CREB5: variants seen among roughly 807,000 people sequenced by gnomAD.
The protein encoded by CREB5 is cyclic AMP-responsive element-binding protein 5.
CREB5 carries 19 observed loss-of-function variants against 57.1 expected under a neutral mutation model. The observed-to-expected ratio is 0.33, with a 90% CI of 0.23 to 0.49. CREB5 has a LOEUF of 0.49. CREB5 is among the 20% of genes least tolerant of loss of function. CREB5 has a pLI of 0.99. For missense variants in CREB5, 579 were observed against 671.6 expected (o/e 0.86, Z 1.52); for synonymous variants, 238 against 238.3 (o/e 1.00, Z 0.01).
At chr7:28,373,887 A>C (rs189002718) in intron 1 of CREB5, among the ~76,000 whole-genome samples, 1 of 146,702 alleles carries the variant, frequency 6.8e-6, no homozygotes, top group African/African-American at 2.5e-5. Flanking sequence ...ACTCTATCCA[A>C]CACTTGTTTC....
intron 5 of CREB5, among the ~76,000 whole-genome samples, chr7:28,581,813 G>A (rs908390691): frequency 6.6e-6 from 1 of 152,184 alleles, no homozygotes; most frequent in Non-Finnish European, 1.5e-5. Context: ...CTCACTAGAA[G>A]CAAGGGAGGC....
In CREB5 at chr7:28,528,661, G is replaced by A. The variant is rs181026181; in HGVS notation, c.291+20924G>A. 6.1e-3 allele frequency among the ~76,000 whole-genome samples: 804 copies of A among 131,314 alleles called. 8 individuals are homozygous for A. The highest frequency in any genetic ancestry group is 0.022 in the African/African-American group (754 of 34,698). The allele number at this position is 131,314 out of a possible 152,430, so 86.1% of individuals were successfully genotyped here. A position where few individuals can be genotyped will look rare whatever the true frequency, so the allele number is the denominator to read the frequency against. ...GGAGGTTGCAGTGAGCCGAGATCGCGCCATTGCACTCCAGCCTGGGCAACA... is the reference window on the plus strand; with the variant it reads ...GGAGGTTGCAGTGAGCCGAGATCGCACCATTGCACTCCAGCCTGGGCAACA... On this transcript the variant is annotated intron_variant, in intron 4 of 10. Coordinates refer to ENST00000357727, the MANE Select transcript of CREB5 (RefSeq NM_182898.4).
intron 5 of CREB5, among the ~76,000 whole-genome samples, chr7:28,636,699 G>A (rs1798432885): frequency 6.6e-6 from 1 of 152,084 alleles, no homozygotes; most frequent in South Asian, 2.1e-4. Flanking sequence ...GAAAGTTTGT[G>A]TTCTATATGC....
intron 2 of CREB5, chr7:28,490,985 TAGAGGCCTGGGC>T (rs904378815): frequency 6.5e-6 from 1 of 152,840 alleles, no homozygotes; most frequent in African/African-American, 2.4e-5. Flanking sequence ...CTGGGACAGC[TAGAGGCCTGGGC>T]AGAGGCTGTT....
At position 28,442,673 on chromosome 7, in the gene CREB5, C is replaced by T. The variant is rs550030029; in HGVS notation, c.3+29756C>T. Among the ~76,000 whole-genome samples, 348 of 152,198 alleles carry T rather than the reference C, an allele frequency of 2.3e-3. 1 individual carries two copies. The highest frequency in any genetic ancestry group is 7.9e-3 in the African/African-American group (327 of 41,526). On this transcript the variant is annotated intron_variant, in intron 1 of 10. Coordinates refer to ENST00000357727, the MANE Select transcript of CREB5 (RefSeq NM_182898.4). ...TTCTAACTGGGGTGAGATGATATCT[C>T]GTTGTGGTTTTGATTTGCATTTTCC...
At chr7:28,787,763 C>T (rs557356728) in intron 7 of CREB5, among the ~76,000 whole-genome samples, 8 of 152,200 alleles carry the variant, frequency 5.3e-5, no homozygotes, top group South Asian at 2.1e-4. Context: ...CTTGTTGCCT[C>T]GGCTGGTCTC....
intron 5 of CREB5, among the ~76,000 whole-genome samples, chr7:28,652,930 G>A (rs1005737688): frequency 1.3e-5 from 2 of 152,178 alleles, no homozygotes; most frequent in Non-Finnish European, 2.9e-5. Context: ...CTTTGTAATG[G>A]ATAGTCCAAG....
At chr7:28,306,144 AAGC>A (rs1344733532) in intron 1 of CREB5, among the ~76,000 whole-genome samples, 1 of 152,190 alleles carries the variant, frequency 6.6e-6, no homozygotes, top group African/African-American at 2.4e-5. Flanking sequence ...CAACCAGCCA[AAGC>A]GTCCATAATT....
intron 1 of CREB5, among the ~76,000 whole-genome samples, chr7:28,485,698 A>G (rs1791518247): frequency 6.6e-6 from 1 of 152,172 alleles, no homozygotes; most frequent in Middle Eastern, 3.2e-3. Context: ...GATGAAAGCT[A>G]CAGAGACAGA....
intron 5 of CREB5, among the ~76,000 whole-genome samples, chr7:28,667,462 T>G (rs1436227786): frequency 6.6e-6 from 1 of 152,024 alleles, no homozygotes; most frequent in African/African-American, 2.4e-5. Flanking sequence ...GTGGGCATAT[T>G]TCCTTTCTTC....
chr7:28,477,558 G>T (rs1411140432), intron 1 of CREB5, among the ~76,000 whole-genome samples: 1 of 152,210 alleles, frequency 6.6e-6, no homozygotes, highest in Non-Finnish European at 1.5e-5. Context: ...TTGTTTGGGG[G>T]CCTGAGCCCT....
At chr7:28,458,986 G>A (rs140825393) in intron 1 of CREB5, among the ~76,000 whole-genome samples, 1 of 152,252 alleles carries the variant, frequency 6.6e-6, no homozygotes, top group African/African-American at 2.4e-5. Context: ...TGATGTAATG[G>A]GCTGGGTCGA....
intron 5 of CREB5, among the ~76,000 whole-genome samples, chr7:28,588,551 G>A (rs555517495): frequency 7.7e-4 from 117 of 152,250 alleles, no homozygotes; most frequent in South Asian, 1.5e-3. Flanking sequence ...ATAAGTAGTT[G>A]CAAAACTGTT....
At chr7:28,600,800 C>T (rs1321586287) in intron 5 of CREB5, among the ~76,000 whole-genome samples, 4 of 152,122 alleles carry the variant, frequency 2.6e-5, no homozygotes, top group African/African-American at 9.7e-5. Flanking sequence ...AAATACATAT[C>T]CTAGGGTCTT....
intron 5 of CREB5, among the ~76,000 whole-genome samples, chr7:28,628,251 A>T (rs923251397): frequency 6.6e-6 from 1 of 151,926 alleles, no homozygotes; most frequent in Non-Finnish European, 1.5e-5. Flanking sequence ...TGTGGTCTAC[A>T]TTTGTAGCAC....
upstream of CREB5, among the ~76,000 whole-genome samples, chr7:28,408,829 T>C (rs42711): frequency 0.86 from 130,471 of 152,036 alleles, 56,449 homozygotes; most frequent in East Asian, 1. Flanking sequence ...CAGGGAGCAC[T>C]GAAATGAGGT....
At position 28,825,122 on chromosome 7, in the gene CREB5, C is replaced by T. The variant is rs1809989251; in HGVS notation, c.*5843C>T. 6.6e-6 allele frequency: 1 copy of T among 152,630 alleles called. No individual in the cohort carries two copies. Among genetic ancestry groups the T allele is most frequent in the Admixed American group, 6.5e-5 (1 of 15,286 alleles). 9.5% of individuals were successfully genotyped at this position (152,630 alleles called of 1,614,324 possible). A position where few individuals can be genotyped will look rare whatever the true frequency, so the allele number is the denominator to read the frequency against. On this transcript the variant is annotated 3_prime_UTR_variant, in exon 11 of 11. Coordinates refer to ENST00000357727, the MANE Select transcript of CREB5 (RefSeq NM_182898.4). ...TCATTAAAATCTTATGCACAATAAG[C>T]TCATTAGATTCTAGTTTTCTCCTTT...
At chr7:28,374,380 T>A (rs1025562030) in intron 1 of CREB5, among the ~76,000 whole-genome samples, 1 of 152,184 alleles carries the variant, frequency 6.6e-6, no homozygotes, top group Non-Finnish European at 1.5e-5. Flanking sequence ...CACAAATACT[T>A]GTATGCAAAT....
intron 7 of CREB5, among the ~76,000 whole-genome samples, chr7:28,737,585 ATATT>A (rs1804103298): frequency 6.6e-5 from 6 of 91,288 alleles, no homozygotes; most frequent in South Asian, 3.5e-4. Flanking sequence ...ATATATATAT[ATATT>A]TTTAACTCCT....
Sources: allele counts gnomAD v4.1 joint callset (sites outside exome capture counted in the v4.1 genomes callset), GRCh38; gene constraint gnomAD v4.1.1; transcripts MANE v1.5; gene names NCBI Gene and HGNC (gene_info 2026-07-23, HGNC 2026-07-21).